The following PCDH15 variants were observed in gnomAD, a reference collection of about 807,000 sequenced individuals.
PCDH15 encodes the protein protocadherin-15.
PCDH15 carries 129 observed loss-of-function variants against 178.5 expected under a neutral mutation model. That is an observed-to-expected ratio of 0.72 (90% confidence interval 0.63 to 0.84). The LOEUF (loss-of-function observed/expected upper bound fraction) is 0.84. PCDH15 is among the 40% of genes least tolerant of loss of function. The pLI is 0.00. For missense variants in PCDH15, 2,230 were observed against 2,099.9 expected, an observed-to-expected ratio of 1.06 and a Z score of -1.21; for synonymous variants, 800 against 732.0, an observed-to-expected ratio of 1.09 and a Z score of -1.50.
At chr10:54,581,655 T>C (rs2091050593) in intron 2 of PCDH15, among the ~76,000 whole-genome samples, 1 of 152,064 alleles carries the variant, frequency 6.6e-6, no homozygotes, top group South Asian at 2.1e-4. Context: ...AGAGGCATCA[T>C]ATTATCCGAC....
chr10:54,013,626 C>T (rs1016737736), intron 20 of PCDH15, among the ~76,000 whole-genome samples: 7 of 152,108 alleles, frequency 4.6e-5, no homozygotes, highest in African/African-American at 1.7e-4. Flanking sequence ...CATACAATTA[C>T]ATGGAAATTA....
Position 55,385,768 on chromosome 10 carries a change from T to C in PCDH15, c.-155-219117A>G, listed in dbSNP as rs1411444367. On this transcript the variant is annotated intron_variant, in intron 2 of 5. Coordinates refer to the PCDH15 transcript ENST00000613346. ...ATATGCATATATATGTATAGATATATACGTATATAGATATGCATATCTCTG... is the reference window on the plus strand; with the variant it reads ...ATATGCATATATATGTATAGATATACACGTATATAGATATGCATATCTCTG... Among the ~76,000 whole-genome samples the C allele has an allele frequency of 1.6e-3, 228 of 145,090 alleles. 2 individuals are homozygous for C. Among genetic ancestry groups the C allele is most frequent in the African/African-American group, 5.5e-3 (207 of 37,746 alleles).
chr10:54,734,732 G>A (rs34974391), intron 1 of PCDH15, among the ~76,000 whole-genome samples: 3 of 151,706 alleles, frequency 2.0e-5, no homozygotes, highest in South Asian at 4.1e-4. Context: ...AAAAAAGAAC[G>A]AACCAACTAT....
intron 13 of PCDH15, among the ~76,000 whole-genome samples, chr10:54,176,990 G>A (rs1175063714): frequency 6.6e-6 from 1 of 151,660 alleles, no homozygotes; most frequent in Non-Finnish European, 1.5e-5. Context: ...GATTATAGCA[G>A]CTTTATTAAT....
At chr10:54,623,909 T>C (rs1280890471) in intron 2 of PCDH15, among the ~76,000 whole-genome samples, 1 of 152,158 alleles carries the variant, frequency 6.6e-6, no homozygotes, top group African/African-American at 2.4e-5. Flanking sequence ...AAACTGTTGA[T>C]GGTTTATACA....
chr10:54,299,923 C>T (rs1251087982), intron 8 of PCDH15, among the ~76,000 whole-genome samples: 1 of 152,174 alleles, frequency 6.6e-6, no homozygotes, highest in Non-Finnish European at 1.5e-5. Flanking sequence ...ATTATAATCC[C>T]AAACTTACAA....
intron 2 of PCDH15, among the ~76,000 whole-genome samples, chr10:54,544,220 T>G (rs1353986927): frequency 6.6e-6 from 1 of 152,194 alleles, no homozygotes; most frequent in Non-Finnish European, 1.5e-5. Context: ...TATGCATATG[T>G]ACAAATGAAT....
At chr10:55,314,197 G>GTC (rs1025773854) in intron 1 of PCDH15, among the ~76,000 whole-genome samples, 1 of 119,774 alleles carries the variant, frequency 8.3e-6, no homozygotes, top group African/African-American at 4.0e-5. Context: ...ATATGTTTGT[G>GTC]TGTATATATA....
chr10:55,478,547 T>C (rs967310235), intron 2 of PCDH15, among the ~76,000 whole-genome samples: 2 of 150,538 alleles, frequency 1.3e-5, no homozygotes, highest in African/African-American at 4.9e-5. Context: ...ATGAAAGAAG[T>C]AGAAAGATTT....
At chr10:55,274,895 A>G (rs1359592817) in intron 1 of PCDH15, among the ~76,000 whole-genome samples, 1 of 152,110 alleles carries the variant, frequency 6.6e-6, no homozygotes, top group Admixed American at 6.5e-5. Context: ...CACCACTGAT[A>G]TGACAGGAGC....
chr10:54,247,937 T>A (rs1259138632), intron 8 of PCDH15, among the ~76,000 whole-genome samples: 4 of 123,996 alleles, frequency 3.2e-5, no homozygotes, highest in Non-Finnish European at 6.3e-5. Context: ...CATGAAAGAA[T>A]ATATATATAT....
intron 17 of PCDH15, among the ~76,000 whole-genome samples, chr10:54,074,680 G>C (rs1269360015): frequency 6.6e-6 from 1 of 152,150 alleles, no homozygotes; most frequent in Non-Finnish European, 1.5e-5. Flanking sequence ...ATCTCTTGGA[G>C]ACTCTGCTTT....
intron 1 of PCDH15, among the ~76,000 whole-genome samples, chr10:54,756,059 ACAC>A (rs1947053502): frequency 8.0e-5 from 2 of 24,896 alleles, no homozygotes; most frequent in Non-Finnish European, 1.3e-4. Context: ...TACTAAAAAC[ACAC>A]ACACACACAC....
chr10:54,151,409 C>G (rs2044516468), intron 14 of PCDH15, among the ~76,000 whole-genome samples: 4 of 151,984 alleles, frequency 2.6e-5, no homozygotes. Flanking sequence ...GGATTGGTGG[C>G]CTGAACCTGT....
chr10:54,662,994 C>A (rs2094514563), intron 2 of PCDH15, among the ~76,000 whole-genome samples: 1 of 151,990 alleles, frequency 6.6e-6, no homozygotes, highest in Admixed American at 6.6e-5. Flanking sequence ...AGTTCAGATG[C>A]ACTTGAAGTA....
At chr10:55,578,471 C>T (rs751269943) in intron 2 of PCDH15, among the ~76,000 whole-genome samples, 5 of 152,086 alleles carry the variant, frequency 3.3e-5, no homozygotes, top group Admixed American at 6.5e-5. Context: ...CGCCCGCCTC[C>T]GCCTTCCAAA....
chr10:54,624,518 G>A (rs760284324), intron 2 of PCDH15, among the ~76,000 whole-genome samples: 4 of 152,190 alleles, frequency 2.6e-5, no homozygotes, highest in Non-Finnish European at 4.4e-5. Flanking sequence ...ACTGGGTTCA[G>A]CTCTGATGAA....
At chr10:54,784,989 T>C (rs1950707685) in intron 1 of PCDH15, among the ~76,000 whole-genome samples, 1 of 151,954 alleles carries the variant, frequency 6.6e-6, no homozygotes, top group South Asian at 2.1e-4. Flanking sequence ...AGTCCTTCTC[T>C]AAGCCCCAAG....
At chr10:54,324,696 C>A (rs139962859) in intron 7 of PCDH15, among the ~76,000 whole-genome samples, 1 of 151,740 alleles carries the variant, frequency 6.6e-6, no homozygotes, top group African/African-American at 2.4e-5. Context: ...ACACGAGAGG[C>A]GAAGGCTGCA....
Sources: gnomAD v4.1 joint callset for allele counts (sites outside exome capture counted in the v4.1 genomes callset) on GRCh38, gnomAD v4.1.1 for gene constraint, MANE v1.5 for transcripts, NCBI Gene and HGNC (gene_info 2026-07-23, HGNC 2026-07-21) for gene names.